Variants in TXNL1 observed in about 807,000 individuals in gnomAD.
TXNL1 encodes the protein thioredoxin-like protein 1.
TXNL1 carries 14 observed loss-of-function variants against 35.5 expected under a neutral mutation model. That is an observed-to-expected ratio of 0.39 (90% confidence interval 0.26 to 0.62). TXNL1 has a LOEUF of 0.62. Ranked by LOEUF, TXNL1 falls within the 20% of genes least tolerant of loss-of-function variation. TXNL1 has a pLI of 0.47. For missense variants in TXNL1, 263 were observed against 349.7 expected (o/e 0.75, Z 1.98); for synonymous variants, 110 against 115.5 (o/e 0.95, Z 0.31).
intron 3 of TXNL1, among the ~76,000 whole-genome samples, chr18:56,623,079 T>C (rs1468062025): frequency 6.6e-6 from 1 of 152,124 alleles, no homozygotes; most frequent in Non-Finnish European, 1.5e-5. Context: ...CAGGGAGGAC[T>C]TGTAGCTCCA....
chr18:56,621,469 C>T (rs1428823123), intron 3 of TXNL1, among the ~76,000 whole-genome samples: 3 of 152,040 alleles, frequency 2.0e-5, no homozygotes, highest in Non-Finnish European at 4.4e-5. Context: ...GCTGGGATTA[C>T]AGGCGTGAGC....
chr18:56,634,388 A>C (rs1368179556), intron 1 of TXNL1, among the ~76,000 whole-genome samples: 1 of 152,178 alleles, frequency 6.6e-6, no homozygotes, highest in African/African-American at 2.4e-5. Context: ...CCTCTCTGTG[A>C]CTCAATGTCC....
At chr18:56,618,387 T>A (rs2024124812) in intron 3 of TXNL1, among the ~76,000 whole-genome samples, 1 of 152,152 alleles carries the variant, frequency 6.6e-6, no homozygotes. Flanking sequence ...ACTTATACTT[T>A]AAAAAATAAG....
In TXNL1 at chr18:56,601,590, A is replaced by C. The variant is rs1326530797; in HGVS notation, c.*1437T>G. 1 of 152,216 alleles carries C rather than the reference A, an allele frequency of 6.6e-6. No homozygotes were observed. The highest frequency in any genetic ancestry group is 1.5e-5 in the Non-Finnish European group (1 of 68,032). The allele number at this position is 152,216 out of a possible 1,614,324, so 9.4% of individuals were successfully genotyped here. Reference sequence around the variant, plus strand: ...TAATGTGCCCATATACAAATGAACTAAACTATCTAATGACACTTGGGTTTC... The same window carrying C: ...TAATGTGCCCATATACAAATGAACTCAACTATCTAATGACACTTGGGTTTC... On this transcript the variant is annotated 3_prime_UTR_variant, in exon 8 of 8. Coordinates refer to ENST00000217515, the MANE Select transcript of TXNL1 (RefSeq NM_004786.3).
At chr18:56,615,469 A>AT (rs1220317104) in intron 5 of TXNL1, among the ~76,000 whole-genome samples, 8 of 64,422 alleles carry the variant, frequency 1.2e-4, no homozygotes, top group Non-Finnish European at 2.6e-4. Flanking sequence ...AAAAGAAAAA[A>AT]TGGGGGGGGG....
Position 56,621,579 on chromosome 18 carries a change from T to C in TXNL1, c.369+2709A>G, listed in dbSNP as rs939590265. Among the ~76,000 whole-genome samples, 18 of 152,368 alleles carry C rather than the reference T, an allele frequency of 1.2e-4. No individual in the cohort carries two copies. In the East Asian group the frequency reaches 3.5e-3, roughly 29 times the overall value. ...AAACTGGCATTATTACATTGCATAG[T>C]TGACATAACTGGAAACTGACATATT... On this transcript the variant is annotated intron_variant, in intron 3 of 7. Transcript: ENST00000217515.
intron 3 of TXNL1, among the ~76,000 whole-genome samples, chr18:56,621,204 ATT>A (rs34382500): frequency 0.031 from 3,883 of 126,174 alleles, 54 homozygotes; most frequent in Middle Eastern, 0.1. Context: ...ATATATATGT[ATT>A]TTTTTTTTTT....
chr18:56,629,950 G>C (rs2024345083), intron 1 of TXNL1, among the ~76,000 whole-genome samples: 1 of 152,156 alleles, frequency 6.6e-6, no homozygotes, highest in Non-Finnish European at 1.5e-5. Flanking sequence ...TGTAATCTCA[G>C]CACTTTGGGA....
chr18:56,615,390 G>GAAAAAA (rs5825192), intron 5 of TXNL1, among the ~76,000 whole-genome samples: 2 of 121,656 alleles, frequency 1.6e-5, no homozygotes, highest in Non-Finnish European at 3.3e-5. Flanking sequence ...CCAATCAATC[G>GAAAAAA]AAAAAAAAAA....
chr18:56,629,666 G>A (rs1056827883), intron 1 of TXNL1, among the ~76,000 whole-genome samples: 1 of 152,140 alleles, frequency 6.6e-6, no homozygotes, highest in African/African-American at 2.4e-5. Flanking sequence ...GCTTTTTTGT[G>A]ATGAATAGGT....
chr18:56,604,080 A>G (rs2023851646), intron 7 of TXNL1, among the ~76,000 whole-genome samples: 1 of 152,134 alleles, frequency 6.6e-6, no homozygotes, highest in African/African-American at 2.4e-5. Context: ...AATCCTAGAA[A>G]TGTTTTTCCC....
Position 56,598,952 on chromosome 18 carries a change from A to G in TXNL1, c.*4075T>C, listed in dbSNP as rs2023775698. The stretch of plus-strand genomic sequence containing the variant: ...TCTCCAAATGCGTGTCCAATTATAA[A>G]CCAACAGATCATGTTTTCACAATTA... On this transcript the variant is annotated 3_prime_UTR_variant, in exon 8 of 8. Coordinates refer to ENST00000217515, the MANE Select transcript of TXNL1 (RefSeq NM_004786.3). The G allele has an allele frequency of 6.6e-6, 1 of 152,308 alleles. No individual in the cohort carries two copies. The highest frequency in any genetic ancestry group is 2.1e-4 in the South Asian group (1 of 4,824). 9.4% of individuals were successfully genotyped at this position (152,308 alleles called of 1,614,324 possible).
rs2023809024 is a variant in TXNL1 at position 56,601,426 on chromosome 18, G to A, written c.*1601C>T. ...AAAGGTCAGCAATACTTAGGATGAG[G>A]CACTTTAACAATTACTCAGAAAGGT... is the stretch of plus-strand genomic sequence containing the variant. On this transcript the variant is annotated 3_prime_UTR_variant, in exon 8 of 8. Transcript: ENST00000217515. 1 of 152,088 alleles carries A rather than the reference G, an allele frequency of 6.6e-6. No individual in the cohort carries two copies. Among genetic ancestry groups the A allele is most frequent in the Non-Finnish European group, 1.5e-5 (1 of 68,012 alleles). The allele number at this position is 152,088 out of a possible 1,614,324, so 9.4% of individuals were successfully genotyped here.
rs571334635 is a variant in TXNL1, at chr18:56,627,426, G to C, written c.99-969C>G. Among the ~76,000 whole-genome samples, 3 of 152,192 alleles carry C rather than the reference G, an allele frequency of 2.0e-5. No homozygotes were observed. The South Asian group carries it at 6.2e-4, about 32-fold the overall frequency. On this transcript the variant is annotated intron_variant, in intron 1 of 7. Transcript: ENST00000217515. ...CTAAAAATTATAGAGAAATGCCAAG[G>C]ACAGCCCAAGTCGTTTTGAGGTTCT...
At chr18:56,608,309 A>G (rs967398410) in intron 7 of TXNL1, 2 of 152,226 alleles carry the variant, frequency 1.3e-5, no homozygotes, top group African/African-American at 4.8e-5. Flanking sequence ...TTTGTACAAT[A>G]TAAAAACAAT....
chr18:56,623,436 A>G (rs1443257296), intron 3 of TXNL1, among the ~76,000 whole-genome samples: 1 of 152,104 alleles, frequency 6.6e-6, no homozygotes, highest in Non-Finnish European at 1.5e-5. Flanking sequence ...AAAAAAAAAA[A>G]AAAAAAAGAT....
rs1262063435 is a variant in TXNL1 at position 56,638,590 on chromosome 18, A to T, written c.-150T>A. ...CGCCGAGTCTTCTCCCGGGACTCTCAGTGCCGAGTCACGCCAGGGAGCGGA... is the reference window on the plus strand; with the variant it reads ...CGCCGAGTCTTCTCCCGGGACTCTCTGTGCCGAGTCACGCCAGGGAGCGGA... On this transcript the variant is annotated 5_prime_UTR_variant, in exon 1 of 8. Transcript: ENST00000217515. The T allele has an allele frequency of 3.9e-6, 2 of 509,530 alleles. No homozygotes were observed. Among genetic ancestry groups the T allele is most frequent in the East Asian group, 1.3e-4 (2 of 15,792 alleles). 31.6% of individuals were successfully genotyped at this position (509,530 alleles called of 1,614,324 possible).
At chr18:56,624,162 T>C (rs1014675238) in intron 3 of TXNL1, 126 bp downstream of exon 3, 4 of 1,052,870 alleles carry the variant, frequency 3.8e-6, no homozygotes, top group Non-Finnish European at 5.2e-6. Flanking sequence ...ATTTGAAAGC[T>C]CTTATTTAAA....
intron 3 of TXNL1, among the ~76,000 whole-genome samples, chr18:56,623,635 A>G (rs2024227671): frequency 6.6e-6 from 1 of 152,112 alleles, no homozygotes; most frequent in African/African-American, 2.4e-5. Flanking sequence ...ATAGCTCTCA[A>G]ATTAAAAATG....
Sources: allele counts gnomAD v4.1 joint callset (sites outside exome capture counted in the v4.1 genomes callset), GRCh38; gene constraint gnomAD v4.1.1; transcripts MANE v1.5; gene names NCBI Gene and HGNC (gene_info 2026-07-23, HGNC 2026-07-21).